Variants in SLC38A8 observed in about 807,000 individuals in gnomAD.
SLC38A8 encodes solute carrier family 38 member 8, also known as amino acid transporter SLC38A8.
Under a neutral mutation model 46.0 loss-of-function variants are expected in SLC38A8, and 65 were observed. The observed-to-expected ratio is 1.41, with a 90% CI of 1.16 to 1.74. SLC38A8 has a LOEUF of 1.74. Ranked by LOEUF, SLC38A8 falls within the 40% of genes most tolerant of loss-of-function variation. The pLI is 0.00. For missense variants in SLC38A8, 998 were observed against 567.9 expected (o/e 1.76, Z -7.70); for synonymous variants, 447 against 243.7 (o/e 1.83, Z -7.77).
intron 3 of SLC38A8, 134 bp downstream of exon 3, chr16:84,036,568 C>T (rs1319015562): frequency 1.0e-6 from 1 of 995,378 alleles, no homozygotes; most frequent in Non-Finnish European, 1.5e-6. Context: ...ATGTTAGGAA[C>T]AAGAGTGTGG....
chr16:84,037,094 G>C (rs1023404594), intron 2 of SLC38A8, among the ~76,000 whole-genome samples, 194 bp from the exon 3 acceptor site: 1 of 152,208 alleles, frequency 6.6e-6, no homozygotes, highest in Non-Finnish European at 1.5e-5. Flanking sequence ...CCTGAAATCA[G>C]AGCTGCAGTG....
At chr16:84,024,584 C>T (rs1284177636) in intron 6 of SLC38A8, among the ~76,000 whole-genome samples, 6 of 151,938 alleles carry the variant, frequency 3.9e-5, no homozygotes, top group African/African-American at 1.2e-4. Flanking sequence ...AGTTCGAGAC[C>T]AGCCTGGCCA....
intron 9 of SLC38A8, 127 bp downstream of exon 9, chr16:84,016,392 T>C (rs2085025732): frequency 9.5e-7 from 1 of 1,051,286 alleles, no homozygotes; most frequent in Non-Finnish European, 1.4e-6. Flanking sequence ...GGCACCTACA[T>C]GGGGTCTTAA....
In SLC38A8 at chr16:84,017,222, T is replaced by G. The variant is rs754685605; in HGVS notation, c.871A>C (p.Asn291His). ...SADVLMSYPG[N>H]DMVIIVARVL... ...CGGGCCACAATGATGACCATATCATTGCCTGGGTAGGACATCAAGACGTCA... is the reference window on the plus strand; with the variant it reads ...CGGGCCACAATGATGACCATATCATGGCCTGGGTAGGACATCAAGACGTCA... Residue 291 changes from asparagine (N) to histidine (H), a missense_variant, in exon 8 of 11, where the codon AAT (asparagine) becomes CAT (histidine). By Grantham distance (68) the Asn-to-His change is moderately conservative. Coordinates refer to ENST00000299709, the MANE Select transcript of SLC38A8 (RefSeq NM_001080442.3). 6.2e-7 allele frequency: 1 copy of G among 1,614,102 alleles called. No individual in the cohort carries two copies. Among genetic ancestry groups the G allele is most frequent in the South Asian group, 1.1e-5 (1 of 91,078 alleles).
In SLC38A8 at chr16:84,020,502, C is replaced by G. The variant is rs796361911; in HGVS notation, c.805+2273G>C. ...GGCTGCCAAGCTTCTGTAGCTCTCG[C>G]TATCTGCCAGCCTGCAGAATTAGCA... On this transcript the variant is annotated intron_variant, in intron 7 of 10. Transcript: ENST00000299709. Among the ~76,000 whole-genome samples, 32 of 152,316 alleles carry G rather than the reference C, an allele frequency of 2.1e-4. 1 individual carries two copies. The highest frequency in any genetic ancestry group is 7.7e-4 in the African/African-American group (32 of 41,572).
intron 7 of SLC38A8, among the ~76,000 whole-genome samples, chr16:84,019,051 G>C (rs933397662): frequency 1.3e-5 from 2 of 151,818 alleles, no homozygotes; most frequent in Non-Finnish European, 2.9e-5. Context: ...AAGTCAGCTA[G>C]CTCTTACTGA....
chr16:84,029,236 T>C (rs780180798), intron 6 of SLC38A8, among the ~76,000 whole-genome samples: 9 of 152,130 alleles, frequency 5.9e-5, no homozygotes, highest in Non-Finnish European at 1.0e-4. Flanking sequence ...AAAAACATGG[T>C]GCTGCTTTTG....
At chr16:84,027,515 G>A (rs945901568) in intron 6 of SLC38A8, among the ~76,000 whole-genome samples, 6 of 152,186 alleles carry the variant, frequency 3.9e-5, no homozygotes, top group East Asian at 1.9e-4. Context: ...GTGTTTGGGC[G>A]GGGACGCTGT....
intron 9 of SLC38A8, among the ~76,000 whole-genome samples, chr16:84,014,546 C>A (rs546002624): frequency 1.8e-3 from 273 of 152,166 alleles, no homozygotes; most frequent in Non-Finnish European, 3.0e-3. Flanking sequence ...CCACACCCCT[C>A]TCCTCTCTAA....
intron 9 of SLC38A8, 83 bp downstream of exon 9, chr16:84,016,436 C>G (rs2085026203): frequency 6.6e-7 from 1 of 1,504,096 alleles, no homozygotes; most frequent in African/African-American, 1.4e-5. Context: ...CTTCCAGAAC[C>G]TTGACCTCCA....
chr16:84,013,978 G>A (rs555482183), intron 9 of SLC38A8, among the ~76,000 whole-genome samples: 2 of 152,012 alleles, frequency 1.3e-5, no homozygotes, highest in African/African-American at 4.8e-5. Context: ...CCCAGAGCCT[G>A]AGTGAGGAGC....
chr16:84,011,873 G>C (rs1426928913), intron 10 of SLC38A8, among the ~76,000 whole-genome samples: 4 of 152,156 alleles, frequency 2.6e-5, no homozygotes, highest in Non-Finnish European at 5.9e-5. Context: ...AACAGAGCAA[G>C]ACTCTGTCTC....
chr16:84,027,870 A>G (rs2085184174), intron 6 of SLC38A8, among the ~76,000 whole-genome samples: 1 of 152,148 alleles, frequency 6.6e-6, no homozygotes, highest in Non-Finnish European at 1.5e-5. Context: ...TTGGGCACAG[A>G]GAGAGGTTCT....
At chr16:84,033,199 T>A (rs2085264820) in intron 4 of SLC38A8, 129 bp downstream of exon 4, 1 of 1,253,806 alleles carries the variant, frequency 8.0e-7, no homozygotes, top group Admixed American at 2.2e-5. Context: ...GTATAATTTT[T>A]TTTTCGTTTT....
In SLC38A8 at chr16:84,022,789, A is replaced by G; in HGVS notation, c.791T>C (p.Ile264Thr). 6.2e-7 allele frequency: 1 copy of G among 1,614,054 alleles called. No homozygotes were observed. The highest frequency in any genetic ancestry group is 8.5e-7 in the Non-Finnish European group (1 of 1,179,968). Residue 264 changes from isoleucine to threonine, a missense_variant, in exon 7 of 11, where the codon ATC becomes ACC. Ile to Thr is a moderately conservative substitution (Grantham distance 89). Coordinates refer to ENST00000299709, the MANE Select transcript of SLC38A8 (RefSeq NM_001080442.3). ...AAGGGCCTTACCCGTCAGTGAATAGATGAGGCAGCAGGCCAGCAAGGACAG... is the reference window on the plus strand; with the variant it reads ...AAGGGCCTTACCCGTCAGTGAATAGGTGAGGCAGCAGGCCAGCAAGGACAG... The part of the protein sequence containing the change: ...SVLSLLACCL[I>T]YSLTGVYGFL...
At position 84,011,222 on chromosome 16, in the gene SLC38A8, C is replaced by A. The variant is rs1271441919; in HGVS notation, c.1215-1345G>T. Among the ~76,000 whole-genome samples, 2 of 152,260 alleles carry A rather than the reference C, an allele frequency of 1.3e-5. 1 individual carries two copies. Among genetic ancestry groups the A allele is most frequent in the South Asian group, 4.1e-4 (2 of 4,824 alleles). Reference sequence around the variant, plus strand: ...GAGCAGCGCTGATGTATTAGAAGGACCCAAAGCAGTTTTAACGATAAAAAT... The same window carrying A: ...GAGCAGCGCTGATGTATTAGAAGGAACCAAAGCAGTTTTAACGATAAAAAT... On this transcript the variant is annotated intron_variant, in intron 10 of 10. Coordinates refer to ENST00000299709, the MANE Select transcript of SLC38A8 (RefSeq NM_001080442.3).
At chr16:84,029,414 A>G in intron 6 of SLC38A8, 80 bp downstream of exon 6, 18 of 1,504,378 alleles carry the variant, frequency 1.2e-5, no homozygotes, top group Non-Finnish European at 1.6e-5. Flanking sequence ...TGACAGAGAA[A>G]CCAAGGTTTC....
Position 84,016,645 on chromosome 16 carries a change from C to G in SLC38A8, c.1036G>C (p.Val346Leu). The G allele has an allele frequency of 1.9e-6, 3 of 1,613,890 alleles. No individual in the cohort carries two copies. Among genetic ancestry groups the G allele is most frequent in the Non-Finnish European group, 1.7e-6 (2 of 1,180,034 alleles). Reference sequence around the variant, plus strand: ...CACAGGATGGTCAGCGGCATCCGGACCCACAGCCCTGAGGGGTCGGCCAGG... The same window carrying G: ...CACAGGATGGTCAGCGGCATCCGGAGCCACAGCCCTGAGGGGTCGGCCAGG... ...SALADPSGLW[V>L]RMPLTILWVT... Residue 346 changes from valine to leucine, a missense_variant, in exon 9 of 11, where the codon GTC (valine) becomes CTC (leucine). Physicochemically the swap from Val to Leu is conservative, Grantham distance 32. Transcript: ENST00000299709.
At chr16:84,023,912 G>A (rs772838137) in intron 6 of SLC38A8, among the ~76,000 whole-genome samples, 7 of 152,146 alleles carry the variant, frequency 4.6e-5, no homozygotes, top group African/African-American at 9.7e-5. Flanking sequence ...AACAAGCCGG[G>A]CAGCAGAGAA....
Sources: allele counts gnomAD v4.1 joint callset (sites outside exome capture counted in the v4.1 genomes callset), GRCh38; gene constraint gnomAD v4.1.1; transcripts MANE v1.5; gene names NCBI Gene and HGNC (gene_info 2026-07-23, HGNC 2026-07-21).